The following HS3ST4 variants were observed in gnomAD, a reference collection of about 807,000 sequenced individuals.
HS3ST4 encodes heparan sulfate-glucosamine 3-sulfotransferase 4.
In HS3ST4, 17 loss-of-function variants were observed where a neutral mutation model predicts 29.2. That is an observed-to-expected ratio of 0.58 (90% CI 0.40 to 0.87). HS3ST4 has a LOEUF of 0.87. HS3ST4 is among the 40% of genes least tolerant of loss of function. HS3ST4 has a pLI of 0.00. For missense variants in HS3ST4, 627 were observed against 634.5 expected, an observed-to-expected ratio of 0.99 and a Z score of 0.13; for synonymous variants, 314 against 285.7, an observed-to-expected ratio of 1.10 and a Z score of -1.00.
At chr16:25,904,107 AATGGATGG>A (rs146106307) in intron 1 of HS3ST4, among the ~76,000 whole-genome samples, 3,354 of 142,482 alleles carry the variant, frequency 0.024, 52 homozygotes, top group Admixed American at 0.043. Context: ...TGAATGGATG[AATGGATGG>A]ATGGATGGAT....
intron 1 of HS3ST4, among the ~76,000 whole-genome samples, chr16:25,714,262 C>T (rs963593156): frequency 3.3e-5 from 5 of 152,178 alleles, no homozygotes; most frequent in African/African-American, 4.8e-5. Flanking sequence ...TCCTCCTTCC[C>T]GCACTGCCAA....
intron 1 of HS3ST4, among the ~76,000 whole-genome samples, chr16:25,821,202 C>A (rs1967151721): frequency 6.6e-6 from 1 of 151,732 alleles, no homozygotes; most frequent in Non-Finnish European, 1.5e-5. Context: ...GGACTACAGG[C>A]ACCCGCCACC....
At chr16:26,003,334 A>G (rs1257521157) in intron 1 of HS3ST4, among the ~76,000 whole-genome samples, 2 of 152,208 alleles carry the variant, frequency 1.3e-5, no homozygotes, top group African/African-American at 2.4e-5. Context: ...TAATTTAAGT[A>G]AATCTCTTAG....
chr16:26,002,717 AAGGG>A (rs142930266), intron 1 of HS3ST4, among the ~76,000 whole-genome samples: 16,756 of 140,470 alleles, frequency 0.12, 1,182 homozygotes, highest in South Asian at 0.2. Context: ...GGAAGGAAGG[AAGGG>A]AGGGAGGGAG....
At chr16:25,902,235 C>A (rs1006710089) in intron 1 of HS3ST4, among the ~76,000 whole-genome samples, 2 of 152,128 alleles carry the variant, frequency 1.3e-5, no homozygotes, top group Admixed American at 1.3e-4. Context: ...AAAGATGAAG[C>A]CCGGCATCAT....
At chr16:25,820,152 A>G (rs1221347839) in intron 1 of HS3ST4, among the ~76,000 whole-genome samples, 1 of 150,322 alleles carries the variant, frequency 6.7e-6, no homozygotes, top group Non-Finnish European at 1.5e-5. Context: ...ACTCATGATG[A>G]TTCTCATGTA....
intron 1 of HS3ST4, among the ~76,000 whole-genome samples, chr16:25,900,043 C>G (rs1442095445): frequency 6.6e-6 from 1 of 152,216 alleles, no homozygotes; most frequent in African/African-American, 2.4e-5. Flanking sequence ...CCATTGTTAG[C>G]TAGAAGTTCT....
intron 1 of HS3ST4, among the ~76,000 whole-genome samples, chr16:26,039,889 A>G (rs939669636): frequency 5.9e-5 from 9 of 152,186 alleles, no homozygotes; most frequent in African/African-American, 2.2e-4. Context: ...TTTGTCAGCC[A>G]TTCTCCATCT....
chr16:25,753,629 G>A (rs1003359601), intron 1 of HS3ST4, among the ~76,000 whole-genome samples: 2 of 152,126 alleles, frequency 1.3e-5, no homozygotes, highest in Admixed American at 1.3e-4. Context: ...GTGATATCAA[G>A]TAACGAGTCC....
intron 1 of HS3ST4, among the ~76,000 whole-genome samples, chr16:25,842,892 G>A (rs964893118): frequency 2.6e-5 from 4 of 152,116 alleles, no homozygotes; most frequent in African/African-American, 9.7e-5. Context: ...TAAAATGAGG[G>A]CAATAATACT....
At chr16:26,061,830 A>G (rs1898479445) in intron 1 of HS3ST4, among the ~76,000 whole-genome samples, 1 of 152,242 alleles carries the variant, frequency 6.6e-6, no homozygotes, top group Admixed American at 6.5e-5. Context: ...AGATGGAACC[A>G]GCAACTTTAT....
chr16:25,805,023 A>C (rs1381416108), intron 1 of HS3ST4, among the ~76,000 whole-genome samples: 1 of 152,150 alleles, frequency 6.6e-6, no homozygotes, highest in Admixed American at 6.5e-5. Context: ...GCTTGGGACC[A>C]AAGCAGTTCC....
intron 1 of HS3ST4, among the ~76,000 whole-genome samples, chr16:25,883,145 AT>A (rs10581302): frequency 0.018 from 2,533 of 141,444 alleles, 22 homozygotes; most frequent in African/African-American, 0.033. Flanking sequence ...GGCCCATACG[AT>A]TTTTTTTTTT....
At chr16:26,004,184 A>G (rs916344176) in intron 1 of HS3ST4, among the ~76,000 whole-genome samples, 1 of 152,184 alleles carries the variant, frequency 6.6e-6, no homozygotes, top group Non-Finnish European at 1.5e-5. Context: ...TGTTCTTGCC[A>G]TCCTGACAAA....
chr16:25,931,939 A>G lies in HS3ST4; in HGVS notation c.735-203673A>G, dbSNP rs1968468003. 2.6e-5 allele frequency among the ~76,000 whole-genome samples: 4 copies of G among 152,234 alleles called. No individual in the cohort carries two copies. The South Asian group carries it at 8.3e-4, about 32-fold the overall frequency. ...GGCAGCTTGTGGGGGAAACAATTCT[A>G]TTGAAAGGGACATGGTTCCTAAAGG... is the stretch of plus-strand genomic sequence containing the variant. On this transcript the variant is annotated intron_variant, in intron 1 of 1. Transcript: ENST00000331351.
At chr16:25,931,942 G>C (rs1019135084) in intron 1 of HS3ST4, among the ~76,000 whole-genome samples, 1 of 152,136 alleles carries the variant, frequency 6.6e-6, no homozygotes, top group African/African-American at 2.4e-5. Flanking sequence ...CAATTCTATT[G>C]AAAGGGACAT....
At chr16:25,707,116 C>CA (rs1966380757) in intron 1 of HS3ST4, among the ~76,000 whole-genome samples, 3 of 152,094 alleles carry the variant, frequency 2.0e-5, no homozygotes, top group Non-Finnish European at 4.4e-5. Context: ...GATTGACTGT[C>CA]GTGGTATCTC....
rs1967261946 is a variant in HS3ST4 at position 25,828,703 on chromosome 16, T to A, written c.734+135552T>A. Among the ~76,000 whole-genome samples the A allele has an allele frequency of 4.6e-5, 7 of 152,120 alleles. No individual in the cohort carries two copies. The South Asian group carries it at 1.5e-3, about 32-fold the overall frequency. Reference sequence around the variant, plus strand: ...CCCTCTGCCCTCCAGTAGGCCCAGGTGTCCATGTGCAAACATACTTGAGGT... The same window carrying A: ...CCCTCTGCCCTCCAGTAGGCCCAGGAGTCCATGTGCAAACATACTTGAGGT... On this transcript the variant is annotated intron_variant, in intron 1 of 1. Coordinates refer to ENST00000331351, the MANE Select transcript of HS3ST4 (RefSeq NM_006040.3).
chr16:25,754,920 T>C (rs1474965995), intron 1 of HS3ST4, among the ~76,000 whole-genome samples: 3 of 151,772 alleles, frequency 2.0e-5, no homozygotes, highest in Admixed American at 2.0e-4. Flanking sequence ...CACCCATCCA[T>C]CCATTCATCC....
Sources: gnomAD v4.1 joint callset for allele counts (sites outside exome capture counted in the v4.1 genomes callset) on GRCh38, gnomAD v4.1.1 for gene constraint, MANE v1.5 for transcripts, NCBI Gene and HGNC (gene_info 2026-07-23, HGNC 2026-07-21) for gene names.